MAPK9: variants seen among roughly 807,000 people sequenced by gnomAD.
The protein encoded by MAPK9 is mitogen-activated protein kinase 9.
Under a neutral mutation model 57.1 loss-of-function variants are expected in MAPK9, and 30 were observed. The observed-to-expected ratio is 0.53, with a 90% CI of 0.39 to 0.71. MAPK9 has a LOEUF of 0.71. Ranked by LOEUF, MAPK9 falls within the 30% of genes least tolerant of loss-of-function variation. The pLI is 0.00. For missense variants in MAPK9, 362 were observed against 521.0 expected (o/e 0.69, Z 2.97); for synonymous variants, 155 against 177.0 (o/e 0.88, Z 0.99).
Position 180,236,495 on chromosome 5 carries a change from A to G in MAPK9, c.1164T>C (p.Ser388=). Reference sequence around the variant, plus strand: ...AAATGTCATTGATCGATGAAGACTGAGAAGGAGTGGCGTTGCTACTTACTG... The same window carrying G: ...AAATGTCATTGATCGATGAAGACTGGGAAGGAGTGGCGTTGCTACTTACTG... ...DAAVSSNATP[S]QSSSINDISS... is the part of the protein sequence containing the mutation. The change falls in exon 12 of 12, where the codon TCT becomes TCC. Residue 388 remains serine (S), a synonymous_variant. Transcript: ENST00000452135. The G allele has an allele frequency of 6.2e-7, 1 of 1,614,060 alleles. No individual in the cohort carries two copies. Among genetic ancestry groups the G allele is most frequent in the Non-Finnish European group, 8.5e-7 (1 of 1,179,898 alleles).
At chr5:180,267,511 G>C (rs995642044) in intron 3 of MAPK9, among the ~76,000 whole-genome samples, 1 of 145,564 alleles carries the variant, frequency 6.9e-6, no homozygotes, top group Non-Finnish European at 1.5e-5. Context: ...GCAGTGAGCT[G>C]AGATCGCGCC....
rs950730961 is a variant in MAPK9 at position 180,275,310 on chromosome 5, G to A, written c.122+5130C>T. On this transcript the variant is annotated intron_variant, in intron 2 of 11. Coordinates refer to ENST00000452135, the MANE Select transcript of MAPK9 (RefSeq NM_002752.5). The stretch of plus-strand genomic sequence containing the variant: ...GTACCTGGGGGCACTAGCAATTTTT[G>A]TTTACCCCCATACAAGTTCAGCAAA... Among the ~76,000 whole-genome samples the A allele has an allele frequency of 5.9e-5, 9 of 152,174 alleles. No homozygotes were observed. In the East Asian group the frequency reaches 1.5e-3, roughly 26 times the overall value.
At position 180,291,976 on chromosome 5, in the gene MAPK9, G is replaced by A. The variant is rs1302788915; in HGVS notation, c.-176C>T. On this transcript the variant is annotated 5_prime_UTR_variant, in exon 1 of 12. Coordinates refer to ENST00000452135, the MANE Select transcript of MAPK9 (RefSeq NM_002752.5). Reference sequence around the variant, plus strand: ...CCGCCCCGCTCCGCTCCGCCCCGCCGCCGCCGCCGCCGCCGCCGCCGCAGT... The same window carrying A: ...CCGCCCCGCTCCGCTCCGCCCCGCCACCGCCGCCGCCGCCGCCGCCGCAGT... The A allele has an allele frequency of 1.0e-5, 1 of 99,528 alleles. No individual in the cohort carries two copies. Among genetic ancestry groups the A allele is most frequent in the Non-Finnish European group, 2.5e-5 (1 of 40,744 alleles). 6.2% of individuals were successfully genotyped at this position (99,528 alleles called of 1,614,324 possible). A position where few individuals can be genotyped will look rare whatever the true frequency, so the allele number is the denominator to read the frequency against.
intron 2 of MAPK9, among the ~76,000 whole-genome samples, chr5:180,277,474 T>C (rs1278621700): frequency 6.6e-6 from 1 of 152,192 alleles, no homozygotes; most frequent in Non-Finnish European, 1.5e-5. Flanking sequence ...CCCACCCAAC[T>C]AAACCTGGGA....
chr5:180,247,947 A>G lies in MAPK9; in HGVS notation c.617-437T>C. The G allele has an allele frequency of 6.2e-7, 1 of 1,610,106 alleles. No individual in the cohort carries two copies. Among genetic ancestry groups the G allele is most frequent in the South Asian group, 1.1e-5 (1 of 90,724 alleles). ...GTCCACTACCAAACACCAGGGGATT[A>G]AAAACCAGCTAGAGTCCCCCATCTT... On this transcript the variant is annotated intron_variant, in intron 6 of 11. Coordinates refer to ENST00000452135, the MANE Select transcript of MAPK9 (RefSeq NM_002752.5). This position sits in a 1 kb window ranked among gnomAD's most constrained non-coding sequence, Gnocchi z 4.5.
chr5:180,263,898 G>A (rs1204424025), intron 4 of MAPK9, among the ~76,000 whole-genome samples: 3 of 151,942 alleles, frequency 2.0e-5, no homozygotes, highest in Admixed American at 1.3e-4. Context: ...GTAGAGACGG[G>A]GTTTCACCGT....
rs540988076 is a variant in MAPK9, at chr5:180,259,251, T to C, written c.450+2433A>G. Among the ~76,000 whole-genome samples the C allele has an allele frequency of 4.9e-3, 734 of 151,062 alleles. 8 individuals carry two copies. Among genetic ancestry groups the C allele is most frequent in the African/African-American group, 8.1e-3 (333 of 41,172 alleles). On this transcript the variant is annotated intron_variant, in intron 5 of 11. Coordinates refer to ENST00000452135, the MANE Select transcript of MAPK9 (RefSeq NM_002752.5). Reference sequence around the variant, plus strand: ...AGTCTTTAGACATTCCAGTTCTCTATGTAAACATGAAAGAACTCACACTGG... The same window carrying C: ...AGTCTTTAGACATTCCAGTTCTCTACGTAAACATGAAAGAACTCACACTGG...
At chr5:180,275,911 T>C (rs1050615411) in intron 2 of MAPK9, among the ~76,000 whole-genome samples, 1 of 152,238 alleles carries the variant, frequency 6.6e-6, no homozygotes, top group Non-Finnish European at 1.5e-5. Flanking sequence ...CTATATTTCA[T>C]AAATTTGTTA....
intron 5 of MAPK9, among the ~76,000 whole-genome samples, chr5:180,251,324 T>A (rs1377893102): frequency 2.6e-5 from 4 of 152,000 alleles, no homozygotes; most frequent in Non-Finnish European, 4.4e-5. Flanking sequence ...GACAGCCTGG[T>A]TCTACCAAGG....
chr5:180,278,703 A>C (rs1022612602), intron 2 of MAPK9, among the ~76,000 whole-genome samples: 2 of 151,956 alleles, frequency 1.3e-5, no homozygotes, highest in African/African-American at 4.8e-5. Flanking sequence ...GTCTCAAAAA[A>C]ATAAATAAAT....
chr5:180,270,889 A>AAAG (rs889634096), intron 2 of MAPK9, among the ~76,000 whole-genome samples: 3 of 151,928 alleles, frequency 2.0e-5, no homozygotes, highest in African/African-American at 7.3e-5. Context: ...AGAAAAAGAA[A>AAAG]AAAAGAATTT....
intron 2 of MAPK9, chr5:180,279,683 CAAAAAA>C (rs891702651): frequency 3.0e-6 from 1 of 337,476 alleles, no homozygotes; most frequent in African/African-American, 2.3e-5. Context: ...TTTCATTGAC[CAAAAAA>C]AAAGAAAAAG....
chr5:180,244,085 G>C (rs1757877630), intron 7 of MAPK9, among the ~76,000 whole-genome samples: 1 of 152,158 alleles, frequency 6.6e-6, no homozygotes, highest in Admixed American at 6.5e-5. Context: ...CTGGCCTCAA[G>C]TGATCTGCCT....
intron 11 of MAPK9, chr5:180,238,124 G>A (rs1260619830): frequency 5.3e-6 from 2 of 375,580 alleles, no homozygotes; most frequent in African/African-American, 4.3e-5. Flanking sequence ...ACAAAAATTA[G>A]CAGGGCATGG....
intron 5 of MAPK9, chr5:180,257,585 G>A (rs992268008): frequency 6.6e-6 from 1 of 152,224 alleles, no homozygotes; most frequent in Non-Finnish European, 1.5e-5. Flanking sequence ...AAAAATTCGG[G>A]CCAGGAGGCC....
intron 1 of MAPK9, among the ~76,000 whole-genome samples, chr5:180,287,687 C>T (rs1162864351): frequency 1.3e-5 from 2 of 152,134 alleles, no homozygotes; most frequent in African/African-American, 4.8e-5. Context: ...GGTCAACATT[C>T]ACCCTCCTTC....
chr5:180,238,301 T>C lies in MAPK9; in HGVS notation c.1132+31A>G, dbSNP rs780741276. 6 of 1,558,204 alleles carry C rather than the reference T, an allele frequency of 3.9e-6. No individual in the cohort carries two copies. The Admixed American group carries it at 5.4e-5, about 14-fold the overall frequency. The stretch of plus-strand genomic sequence containing the variant: ...AAAAAGTTGAATAGGGAAAGAAAAA[T>C]ATCATACAATCAATTAAAGCAATCA... On this transcript the variant is annotated intron_variant, in intron 11 of 11. Transcript: ENST00000452135.
chr5:180,280,831 C>T (rs962053352), intron 1 of MAPK9, among the ~76,000 whole-genome samples: 2 of 152,170 alleles, frequency 1.3e-5, no homozygotes, highest in African/African-American at 2.4e-5. Context: ...CAAGACCACA[C>T]TTTAAGGGGC....
In MAPK9 at chr5:180,236,355, A is replaced by G. The variant is rs996280340; in HGVS notation, c.*29T>C. Reference sequence around the variant, plus strand: ...GCCCACGGAGGTGAGAGTTCCTTCAATGCTGACAGGTTTGCTATTTCTAAC... The same window carrying G: ...GCCCACGGAGGTGAGAGTTCCTTCAGTGCTGACAGGTTTGCTATTTCTAAC... On this transcript the variant is annotated 3_prime_UTR_variant, in exon 12 of 12. Transcript: ENST00000452135. The G allele has an allele frequency of 3.2e-6, 5 of 1,582,206 alleles. No homozygotes were observed. In the African/African-American group the frequency reaches 5.4e-5, roughly 17 times the overall value.
Sources: allele counts gnomAD v4.1 joint callset (sites outside exome capture counted in the v4.1 genomes callset), GRCh38; gene constraint gnomAD v4.1.1; non-coding constraint Gnocchi (gnomAD v3.1); transcripts MANE v1.5; gene names NCBI Gene and HGNC (gene_info 2026-07-23, HGNC 2026-07-21).